Variants in RNFT2 observed in about 807,000 individuals in gnomAD.
RNFT2 encodes the protein ring finger protein, transmembrane 2.
RNFT2 carries 36 observed loss-of-function variants against 53.0 expected under a neutral mutation model. The observed-to-expected ratio is 0.68, with a 90% CI of 0.52 to 0.90. The LOEUF (loss-of-function observed/expected upper bound fraction) is 0.90. Ranked by LOEUF, RNFT2 falls within the 40% of genes least tolerant of loss-of-function variation. The probability of loss-of-function intolerance (pLI) is 0.00; values close to 1 mark genes in which losing one functional copy is unlikely to be tolerated. For synonymous variants in RNFT2, 260 were observed against 253.2 expected (o/e 1.03, Z -0.26); for missense variants, 514 against 585.6 (o/e 0.88, Z 1.26).
intron 7 of RNFT2, among the ~76,000 whole-genome samples, chr12:116,788,413 C>T (rs1874036939): frequency 6.6e-6 from 1 of 152,212 alleles, no homozygotes; most frequent in African/African-American, 2.4e-5. Flanking sequence ...ATTCATCTGC[C>T]TCAAAGAGCC....
intron 7 of RNFT2, among the ~76,000 whole-genome samples, chr12:116,819,672 G>T (rs952699569): frequency 1.3e-5 from 2 of 152,188 alleles, no homozygotes; most frequent in Non-Finnish European, 2.9e-5. Context: ...GCCCCGCCCC[G>T]CTGGCCCCGC....
chr12:116,824,110 T>C (rs1243404963), intron 7 of RNFT2, among the ~76,000 whole-genome samples: 1 of 152,092 alleles, frequency 6.6e-6, no homozygotes, highest in Admixed American at 6.5e-5. Context: ...CCCAGGTCTT[T>C]CCCATGGTAT....
chr12:116,780,087 G>A (rs900463254), intron 7 of RNFT2, among the ~76,000 whole-genome samples: 1 of 152,278 alleles, frequency 6.6e-6, no homozygotes, highest in African/African-American at 2.4e-5. Context: ...GCTGAGACAT[G>A]TCCCAGGCAT....
At chr12:116,760,997 G>A (rs1388438607) in intron 5 of RNFT2, among the ~76,000 whole-genome samples, 1 of 152,024 alleles carries the variant, frequency 6.6e-6, no homozygotes, top group East Asian at 1.9e-4. Flanking sequence ...TCTGACCTCA[G>A]CCTCCTAGGG....
At chr12:116,849,193 G>A (rs1026148888) in intron 10 of RNFT2, 121 bp from the exon 11 acceptor site, 7 of 703,432 alleles carry the variant, frequency 1.0e-5, no homozygotes, top group South Asian at 1.9e-5. Context: ...TCCCCAACGC[G>A]AGTGCAGGCG....
intron 10 of RNFT2, among the ~76,000 whole-genome samples, chr12:116,838,554 G>A (rs1405248752): frequency 1.3e-5 from 2 of 152,180 alleles, no homozygotes; most frequent in Non-Finnish European, 2.9e-5. Context: ...AACACACAGC[G>A]TTACCAAGCC....
rs527409015 is a variant in RNFT2 at position 116,742,539 on chromosome 12, G to A, written c.83+1445G>A. Among the ~76,000 whole-genome samples the A allele has an allele frequency of 2.2e-3, 337 of 152,192 alleles. 3 individuals are homozygous for A. Among genetic ancestry groups the A allele is most frequent in the Non-Finnish European group, 6.9e-4 (47 of 68,012 alleles). On this transcript the variant is annotated intron_variant, in intron 3 of 10. Coordinates refer to ENST00000257575, the MANE Select transcript of RNFT2 (RefSeq NM_001382266.1). The stretch of plus-strand genomic sequence containing the variant: ...GACTTGGCCGCCCAAGCTCCTGCTC[G>A]CTGGGATTATAAGCGCAAGCCACCA...
intron 5 of RNFT2, among the ~76,000 whole-genome samples, chr12:116,757,353 C>T (rs1872548260): frequency 6.6e-6 from 1 of 151,924 alleles, no homozygotes; most frequent in Admixed American, 6.6e-5. Flanking sequence ...TATTTCCTTT[C>T]TTCTGCTGGG....
chr12:116,747,290 A>T (rs1300314829), intron 3 of RNFT2, among the ~76,000 whole-genome samples: 1 of 152,186 alleles, frequency 6.6e-6, no homozygotes, highest in Non-Finnish European at 1.5e-5. Flanking sequence ...TCCTGGGCTC[A>T]AGCAATCTGC....
chr12:116,818,056 T>C (rs1875781724), intron 7 of RNFT2, among the ~76,000 whole-genome samples: 1 of 152,228 alleles, frequency 6.6e-6, no homozygotes, highest in African/African-American at 2.4e-5. Context: ...CTCTGTGGGA[T>C]GGACATTTGA....
chr12:116,750,911 T>A (rs1389329486), intron 4 of RNFT2, among the ~76,000 whole-genome samples: 8 of 94,964 alleles, frequency 8.4e-5, no homozygotes, highest in African/African-American at 1.1e-4. Context: ...TATATATATT[T>A]TTTTTTGAGA....
chr12:116,758,362 C>T (rs988128047), intron 5 of RNFT2, among the ~76,000 whole-genome samples: 1 of 152,148 alleles, frequency 6.6e-6, no homozygotes, highest in African/African-American at 2.4e-5. Context: ...ATTCATCATG[C>T]TCTTTGTTGC....
intron 7 of RNFT2, among the ~76,000 whole-genome samples, chr12:116,800,737 C>T (rs1334344934): frequency 6.6e-6 from 1 of 151,674 alleles, no homozygotes; most frequent in Non-Finnish European, 1.5e-5. Flanking sequence ...TTGCTTGAGC[C>T]TGGGAGGTGG....
chr12:116,746,454 G>A (rs894914899), intron 3 of RNFT2, among the ~76,000 whole-genome samples: 1 of 152,196 alleles, frequency 6.6e-6, no homozygotes, highest in African/African-American at 2.4e-5. Flanking sequence ...CTGTGCAGGT[G>A]ACATGAGGGT....
chr12:116,769,264 C>T (rs1389171533), intron 6 of RNFT2, among the ~76,000 whole-genome samples: 1 of 152,078 alleles, frequency 6.6e-6, no homozygotes, highest in Non-Finnish European at 1.5e-5. Context: ...GAGGCTGAGC[C>T]AGAGAATTGC....
chr12:116,744,564 C>T (rs1043963321), intron 3 of RNFT2, among the ~76,000 whole-genome samples: 3 of 152,192 alleles, frequency 2.0e-5, no homozygotes, highest in African/African-American at 7.2e-5. Flanking sequence ...GGGCCCCCAT[C>T]CCTGTGTCCC....
chr12:116,842,475 G>C lies in RNFT2; in HGVS notation c.1200+6193G>C, dbSNP rs1877398908. 2.0e-5 allele frequency among the ~76,000 whole-genome samples: 3 copies of C among 152,196 alleles called. No homozygotes were observed. The South Asian group carries it at 6.2e-4, about 32-fold the overall frequency. On this transcript the variant is annotated intron_variant, in intron 10 of 10. Coordinates refer to ENST00000257575, the MANE Select transcript of RNFT2 (RefSeq NM_001382266.1). ...CCCCTCTCTTGAGTCTCACTGACCT[G>C]TCTGTTTGCTGTTATGAGACTGGGG...
chr12:116,843,619 T>A (rs1183343365), intron 10 of RNFT2, among the ~76,000 whole-genome samples: 1 of 151,904 alleles, frequency 6.6e-6, no homozygotes, highest in African/African-American at 2.4e-5. Context: ...AAGGGCTCCT[T>A]CTTCCTCCCC....
In RNFT2 at chr12:116,739,616, G is replaced by C. The variant is rs145798126; in HGVS notation, c.-153-729G>C. Reference sequence around the variant, plus strand: ...ACCAAGCCCTGCCACATTTAGAGGAGAAAGTATTCCAAGGGGAGGGCACAG... The same window carrying C: ...ACCAAGCCCTGCCACATTTAGAGGACAAAGTATTCCAAGGGGAGGGCACAG... On this transcript the variant is annotated intron_variant, in intron 1 of 10. Coordinates refer to ENST00000257575, the MANE Select transcript of RNFT2 (RefSeq NM_001382266.1). Among the ~76,000 whole-genome samples, 85 of 152,372 alleles carry C rather than the reference G, an allele frequency of 5.6e-4. No individual in the cohort carries two copies. In the East Asian group the frequency reaches 0.014, roughly 25 times the overall value.
Sources: allele counts gnomAD v4.1 joint callset (sites outside exome capture counted in the v4.1 genomes callset), GRCh38; gene constraint gnomAD v4.1.1; transcripts MANE v1.5; gene names NCBI Gene and HGNC (gene_info 2026-07-23, HGNC 2026-07-21).